IAH1: variants seen among roughly 807,000 people sequenced by gnomAD.
The protein encoded by IAH1 is isoamyl acetate-hydrolyzing esterase 1 homolog.
Under a neutral mutation model 26.7 loss-of-function variants are expected in IAH1, and 24 were observed. The observed-to-expected ratio is 0.90, with a 90% CI of 0.65 to 1.26. The LOEUF (loss-of-function observed/expected upper bound fraction) is 1.26. Ranked by LOEUF, IAH1 falls within the 50% of genes most tolerant of loss-of-function variation. The pLI, the probability that IAH1 is intolerant of heterozygous loss-of-function variation, is 0.00. For synonymous variants in IAH1, 140 were observed against 118.5 expected, an observed-to-expected ratio of 1.18 and a Z score of -1.18; for missense variants, 300 against 299.9, an observed-to-expected ratio of 1.00 and a Z score of 0.00.
At chr2:9,509,219 C>G in the IAH1 span, among the ~76,000 whole-genome samples, 1 of 152,214 alleles carries the variant, frequency 6.6e-6, no homozygotes, top group Non-Finnish European at 1.5e-5. Flanking sequence ...CACCGACCCT[C>G]TTTAACTCAG....
At chr2:9,497,604 A>G (rs1453260236), downstream of IAH1, among the ~76,000 whole-genome samples, 1 of 152,204 alleles carries the variant, frequency 6.6e-6, no homozygotes, top group Non-Finnish European at 1.5e-5. Context: ...GGCCTTCCCT[A>G]TCTGGCCCTG....
chr2:9,490,119 G>T, downstream of IAH1: 1 of 1,417,000 alleles, frequency 7.1e-7, no homozygotes, highest in Non-Finnish European at 9.6e-7. Context: ...TGATTGATTT[G>T]TAGGTCAAAT....
At position 9,474,593 on chromosome 2, in the gene IAH1, C is replaced by T. The variant is rs767209551; in HGVS notation, c.27C>T (p.Cys9=). 9.1e-6 allele frequency: 14 copies of T among 1,531,394 alleles called. No individual in the cohort carries two copies. The highest frequency in any genetic ancestry group is 8.7e-5 in the African/African-American group (6 of 69,322). The allele number at this position is 1,531,394 out of a possible 1,614,324, so 94.9% of individuals were successfully genotyped here. A position where few individuals can be genotyped will look rare whatever the true frequency, so the allele number is the denominator to read the frequency against. ...TGGCGCTGTGCGAGGCCGCGGGCTG[C>T]GGGAGTGCCCTGCTCTGGCCTCGCT... MALCEAAG[C]GSALLWPRLL... The change falls in exon 1 of 6, where the codon TGC becomes TGT. Residue 9 remains cysteine, a synonymous_variant. Coordinates refer to ENST00000497473, the MANE Select transcript of IAH1 (RefSeq NM_001039613.3). The surrounding 1 kb of genome is among the most constrained non-coding windows in gnomAD (Gnocchi z 4.3).
At chr2:9,490,971 C>G, downstream of IAH1, 1 of 788,166 alleles carries the variant, frequency 1.3e-6, no homozygotes, top group South Asian at 1.8e-5. Context: ...ACATTCCAAC[C>G]TAGACCCTTC....
chr2:9,495,066 C>T (rs1429943878), intron 6 of IAH1, among the ~76,000 whole-genome samples: 4 of 152,220 alleles, frequency 2.6e-5, no homozygotes, highest in Non-Finnish European at 5.9e-5. Context: ...TCACAATGCT[C>T]TTCTAAATGC....
downstream of IAH1, chr2:9,490,312 G>A (rs772443121): frequency 1.2e-6 from 2 of 1,614,006 alleles, no homozygotes; most frequent in African/African-American, 1.3e-5. Context: ...TTGGGAAGGG[G>A]TCCTTCTCAA....
chr2:9,496,699 A>C (rs187152427), downstream of IAH1, among the ~76,000 whole-genome samples: 9 of 152,338 alleles, frequency 5.9e-5, no homozygotes, highest in East Asian at 1.7e-3. Flanking sequence ...TCCTGGAATC[A>C]GCTCTCTCTG....
chr2:9,475,446 C>T (rs1682427554), intron 1 of IAH1, among the ~76,000 whole-genome samples: 3 of 151,876 alleles, frequency 2.0e-5, no homozygotes, highest in Admixed American at 2.0e-4. Context: ...CATTTCCTCA[C>T]TGACCTTTGA....
chr2:9,478,424 A>G, intron 3 of IAH1, 54 bp downstream of exon 3: 1 of 1,478,784 alleles, frequency 6.8e-7, no homozygotes, highest in Non-Finnish European at 9.1e-7. Context: ...TTTATGTTAC[A>G]GCAAACTTGC....
intron 1 of IAH1, chr2:9,475,237 A>G (rs1682414892): frequency 1.6e-6 from 2 of 1,279,524 alleles, no homozygotes; most frequent in Admixed American, 2.3e-5. Context: ...TCGGGGAGGG[A>G]GTAGAAATTC....
In IAH1 at chr2:9,474,557, CGGCTG is replaced by C; in HGVS notation, c.-9_-5del. The C allele has an allele frequency of 6.8e-7, 1 of 1,481,384 alleles. No homozygotes were observed. The highest frequency in any genetic ancestry group is 8.9e-7 in the Non-Finnish European group (1 of 1,120,750). 91.8% of individuals were successfully genotyped at this position (1,481,384 alleles called of 1,614,324 possible). ...GCTGGCGGCCCCGCCCCGCCCCGCCCGGCTGCTCCATGGCGCTGTGCGAGGCCGCG... is the reference window on the plus strand; with the variant it reads ...GCTGGCGGCCCCGCCCCGCCCCGCCCCTCCATGGCGCTGTGCGAGGCCGCG... On this transcript the variant is annotated 5_prime_UTR_variant, in exon 1 of 6. Transcript: ENST00000497473. This position sits in a 1 kb window ranked among gnomAD's most constrained non-coding sequence, Gnocchi z 4.3.
At chr2:9,480,752 C>T (rs1010647494) in intron 3 of IAH1, 2 of 152,664 alleles carry the variant, frequency 1.3e-5, no homozygotes, top group African/African-American at 4.8e-5. Context: ...AGAAAATACT[C>T]CTTTGCAATA....
intron 2 of IAH1, among the ~76,000 whole-genome samples, 192 bp from the exon 3 acceptor site, chr2:9,478,030 T>C (rs1338575700): frequency 2.6e-5 from 4 of 152,190 alleles, no homozygotes; most frequent in African/African-American, 7.2e-5. Flanking sequence ...TGTATTTACC[T>C]GTATCTTTGA....
intron 4 of IAH1, among the ~76,000 whole-genome samples, chr2:9,481,884 C>G (rs960741221): frequency 3.3e-5 from 5 of 152,144 alleles, no homozygotes; most frequent in African/African-American, 2.4e-5. Context: ...ACTCCATATA[C>G]TTGGGTTTCA....
chr2:9,476,885 C>T (rs562299918), intron 2 of IAH1, among the ~76,000 whole-genome samples: 5 of 152,238 alleles, frequency 3.3e-5, no homozygotes, highest in African/African-American at 9.6e-5. Context: ...CAGGTTATGA[C>T]GGCTTAGCTT....
Position 9,484,490 on chromosome 2 carries a change from A to T in IAH1, c.504A>T (p.Gln168His). 6.2e-7 allele frequency: 1 copy of T among 1,614,212 alleles called. No homozygotes were observed. Among genetic ancestry groups the T allele is most frequent in the Non-Finnish European group, 8.5e-7 (1 of 1,180,038 alleles). Residue 168 changes from glutamine to histidine, a missense_variant, in exon 5 of 6, where the codon CAA becomes CAT. By Grantham distance (24) the Gln-to-His change is conservative (BLOSUM62 0). Transcript: ENST00000497473. Reference protein sequence around the residue: ...VVGEYANACLQVAQDCGTDVL... With the variant: ...VVGEYANACLHVAQDCGTDVL... ...GTGAATATGCCAATGCGTGTTTACA[A>T]GTGGCCCAAGACTGTGGGACTGACG... is the stretch of plus-strand genomic sequence containing the variant.
chr2:9,474,456 C>A, upstream of IAH1: 3 of 553,274 alleles, frequency 5.4e-6, no homozygotes, highest in Non-Finnish European at 8.7e-6. This position sits in a 1 kb window ranked among gnomAD's most constrained non-coding sequence, Gnocchi z 4.3. Context: ...TCGCGCGTCA[C>A]CAAAGTGACT....
At chr2:9,475,894 C>T (rs1017756059) in intron 1 of IAH1, 93 bp from the exon 2 acceptor site, 9 of 1,039,182 alleles carry the variant, frequency 8.7e-6, no homozygotes, top group South Asian at 6.7e-5. Context: ...AAGAAGGGAG[C>T]GCCGAGAAAA....
At chr2:9,489,896 C>A, downstream of IAH1, 1 of 349,110 alleles carries the variant, frequency 2.9e-6, no homozygotes, top group Non-Finnish European at 5.2e-6. Context: ...ATTCATAACC[C>A]AATCCAGCTG....
Sources: allele counts gnomAD v4.1 joint callset (sites outside exome capture counted in the v4.1 genomes callset), GRCh38; gene constraint gnomAD v4.1.1; non-coding constraint Gnocchi (gnomAD v3.1); transcripts MANE v1.5; gene names NCBI Gene and HGNC (gene_info 2026-07-23, HGNC 2026-07-21).